Variants in CCDC171 observed in about 807,000 individuals in gnomAD.
CCDC171 encodes the protein coiled-coil domain containing 171, also known as coiled-coil domain-containing protein 171.
CCDC171 carries 177 observed loss-of-function variants against 168.2 expected under a neutral mutation model. That is an observed-to-expected ratio of 1.05 (90% confidence interval 0.93 to 1.19). The LOEUF (loss-of-function observed/expected upper bound fraction) is 1.19. Among genes scored for constraint, CCDC171 ranks in the 50% most tolerant of loss-of-function variants. CCDC171 has a pLI of 0.00. For synonymous variants in CCDC171, 687 were observed against 540.8 expected (o/e 1.27, Z -3.75); for missense variants, 1,991 against 1,539.0 (o/e 1.29, Z -4.91).
At chr9:15,996,090 A>G (rs1281889003) in intron 3 of CCDC171, among the ~76,000 whole-genome samples, 2 of 152,186 alleles carry the variant, frequency 1.3e-5, no homozygotes, top group South Asian at 2.1e-4. Context: ...TTCTCCAACA[A>G]TTGACTTTCT....
chr9:15,558,187 G>GT (rs550547903), intron 1 of CCDC171, among the ~76,000 whole-genome samples: 8,267 of 151,994 alleles, frequency 0.054, 275 homozygotes, highest in African/African-American at 0.086. Flanking sequence ...AGGGATATTG[G>GT]CTAAAATTCT....
intron 25 of CCDC171, among the ~76,000 whole-genome samples, chr9:15,956,476 C>T (rs971776279): frequency 1.3e-5 from 2 of 152,108 alleles, no homozygotes; most frequent in African/African-American, 4.8e-5. Context: ...TATCACACAG[C>T]TTTACAAATG....
intron 18 of CCDC171, 149 bp downstream of exon 18, chr9:15,745,780 C>T: frequency 2.2e-6 from 1 of 445,118 alleles, no homozygotes; most frequent in East Asian, 3.5e-5. Flanking sequence ...ATTGTTAACT[C>T]TGTACTTAAT....
intron 16 of CCDC171, among the ~76,000 whole-genome samples, chr9:15,739,141 A>G (rs2054682268): frequency 6.6e-6 from 1 of 152,246 alleles, no homozygotes; most frequent in Admixed American, 6.5e-5. Flanking sequence ...GAGAAGGTCA[A>G]TATCAGTGTG....
At chr9:15,621,707 G>A (rs548542025) in intron 6 of CCDC171, among the ~76,000 whole-genome samples, 1 of 152,284 alleles carries the variant, frequency 6.6e-6, no homozygotes, top group South Asian at 2.1e-4. Context: ...CAACCATTGT[G>A]GAAAACAATG....
At chr9:16,087,487 C>T in the CCDC171 span, among the ~76,000 whole-genome samples, 1 of 151,486 alleles carries the variant, frequency 6.6e-6, no homozygotes, top group Non-Finnish European at 1.5e-5. Flanking sequence ...TATGTAATGC[C>T]CTTCTTTGTC....
At chr9:15,835,257 A>T (rs180763770) in intron 21 of CCDC171, among the ~76,000 whole-genome samples, 42 of 152,206 alleles carry the variant, frequency 2.8e-4, no homozygotes, top group Non-Finnish European at 5.4e-4. Flanking sequence ...TTAGTTGCAT[A>T]TTACATGTAT....
chr9:15,931,822 T>C (rs1826553348), intron 25 of CCDC171, among the ~76,000 whole-genome samples: 1 of 151,842 alleles, frequency 6.6e-6, no homozygotes, highest in Non-Finnish European at 1.5e-5. Flanking sequence ...GGGGGTCTAA[T>C]GCCATTCTTT....
intron 3 of CCDC171, among the ~76,000 whole-genome samples, chr9:15,575,412 G>C (rs527826652): frequency 1.4e-4 from 22 of 152,184 alleles, no homozygotes; most frequent in African/African-American, 5.3e-4. Context: ...GGGCTCAAGT[G>C]ATCCACCCAC....
At chr9:15,567,322 A>G (rs970631957) in intron 2 of CCDC171, among the ~76,000 whole-genome samples, 6 of 152,164 alleles carry the variant, frequency 3.9e-5, no homozygotes, top group Admixed American at 2.0e-4. Flanking sequence ...TCTTAATCCA[A>G]TATCACATTG....
intron 3 of CCDC171, among the ~76,000 whole-genome samples, chr9:16,003,884 C>T (rs2132958209): frequency 6.6e-6 from 1 of 152,302 alleles, no homozygotes. Flanking sequence ...GCTGTGGAGC[C>T]AGGTCCTGTG....
rs1410125637 is a variant in CCDC171, at chr9:15,692,859, G to A, written c.1216-2376G>A. ...CTCCTTTTAAAAATGATTCTAGGCC[G>A]GGCATGGTGGCTCACCCCTGTAATC... is the stretch of plus-strand genomic sequence containing the variant. On this transcript the variant is annotated intron_variant, in intron 10 of 25. Coordinates refer to ENST00000380701, the MANE Select transcript of CCDC171 (RefSeq NM_173550.4). Among the ~76,000 whole-genome samples, 3 of 151,198 alleles carry A rather than the reference G, an allele frequency of 2.0e-5. No individual in the cohort carries two copies. In the East Asian group the frequency reaches 6.0e-4, roughly 30 times the overall value.
At chr9:15,606,583 T>A (rs1049193139) in intron 6 of CCDC171, among the ~76,000 whole-genome samples, 2 of 152,206 alleles carry the variant, frequency 1.3e-5, no homozygotes, top group African/African-American at 4.8e-5. Flanking sequence ...TTTTATAAGC[T>A]AGAAAAGAGG....
chr9:15,578,135 T>C (rs982023805), intron 3 of CCDC171, among the ~76,000 whole-genome samples: 4 of 152,154 alleles, frequency 2.6e-5, no homozygotes, highest in African/African-American at 9.6e-5. Context: ...TTGGTTCCAT[T>C]TAGGGAATAG....
chr9:15,620,852 A>T (rs1312790422), intron 6 of CCDC171, among the ~76,000 whole-genome samples: 1 of 152,226 alleles, frequency 6.6e-6, no homozygotes, highest in Non-Finnish European at 1.5e-5. Flanking sequence ...CACCCTCATC[A>T]GTCAGCAGTC....
chr9:16,108,712 G>A, the CCDC171 span, among the ~76,000 whole-genome samples: 1 of 152,134 alleles, frequency 6.6e-6, no homozygotes, highest in African/African-American at 2.4e-5. Flanking sequence ...GTGTTCACAG[G>A]TCTGCATCTG....
intron 11 of CCDC171, among the ~76,000 whole-genome samples, chr9:15,720,236 T>C (rs1335046250): frequency 8.5e-5 from 13 of 152,190 alleles, no homozygotes; most frequent in Non-Finnish European, 1.8e-4. Context: ...TGCTCTATCA[T>C]TAACTAAGAA....
intron 11 of CCDC171, among the ~76,000 whole-genome samples, chr9:15,710,276 T>C (rs2052561720): frequency 6.6e-6 from 1 of 152,114 alleles, no homozygotes; most frequent in Non-Finnish European, 1.5e-5. Flanking sequence ...TTAAAAAATC[T>C]GTAGGTTCCT....
At chr9:16,054,978 A>G (rs1479072913) in intron 1 of CCDC171, among the ~76,000 whole-genome samples, 2 of 152,212 alleles carry the variant, frequency 1.3e-5, no homozygotes, top group African/African-American at 4.8e-5. Context: ...GCAAGGGTGG[A>G]TGCAGAGAGG....
Sources: gnomAD v4.1 joint callset for allele counts (sites outside exome capture counted in the v4.1 genomes callset) on GRCh38, gnomAD v4.1.1 for gene constraint, MANE v1.5 for transcripts, NCBI Gene and HGNC (gene_info 2026-07-23, HGNC 2026-07-21) for gene names.